MED14: variants seen among roughly 807,000 people sequenced by gnomAD.
MED14 encodes mediator complex subunit 14, also known as mediator of RNA polymerase II transcription subunit 14.
A neutral mutation model predicts 109.0 loss-of-function variants in MED14; 8 were observed. The ratio of observed to expected loss-of-function variants is 0.07; its 90% confidence interval spans 0.04 to 0.13. The LOEUF (loss-of-function observed/expected upper bound fraction) is 0.13, where lower values mean the gene tolerates loss of function less well. Ranked by LOEUF, MED14 falls within the 10% of genes least tolerant of loss-of-function variation. MED14 has a pLI of 1.00. For synonymous variants in MED14, 399 were observed against 408.7 expected (o/e 0.98, Z 0.29); for missense variants, 711 against 1,142.4 (o/e 0.62, Z 5.44).
At chrX:40,704,671 A>T (rs754203553) in intron 10 of MED14, among the ~76,000 whole-genome samples, 40 of 112,599 alleles carry the variant, frequency 3.6e-4, no homozygotes, top group African/African-American at 1.3e-3. Flanking sequence ...ATTTTCAATA[A>T]TTCAAATGGA....
At chrX:40,677,925 A>G (rs1000567265) in intron 21 of MED14, among the ~76,000 whole-genome samples, 2 of 112,163 alleles carry the variant, frequency 1.8e-5, no homozygotes, top group Non-Finnish European at 3.8e-5. Context: ...ACAATGAAGT[A>G]GTACCTTCAA....
At position 40,703,453 on chromosome X, in the gene MED14, A is replaced by C; in HGVS notation, c.1402T>G (p.Tyr468Asp). The C allele has an allele frequency of 8.4e-7, 1 of 1,194,609 alleles. No homozygotes were observed. Among genetic ancestry groups the C allele is most frequent in the East Asian group, 3.0e-5 (1 of 33,700 alleles). ...LHSGMFQLML[Y>D]GLDQATLDDM... ...TCATTTAGTAACTTACCAAGTCCATAAAGCATCAATTGAAACATTCCAGAA... is the reference window on the plus strand; with the variant it reads ...TCATTTAGTAACTTACCAAGTCCATCAAGCATCAATTGAAACATTCCAGAA... The change falls in exon 11 of 31, where the codon TAT becomes GAT. Residue 468 changes from tyrosine (Y) to aspartate (D), a missense_variant. This residue lies in a region of MED14 where 388 missense variants were observed against 517.3 expected (regional missense o/e 0.75). Transcript: ENST00000324817.
At chrX:40,680,418 T>C (rs1252480888) in intron 20 of MED14, among the ~76,000 whole-genome samples, 1 of 111,569 alleles carries the variant, frequency 9.0e-6, no homozygotes, top group Non-Finnish European at 1.9e-5. Flanking sequence ...AATGCTGTTT[T>C]TTGTTTGTTT....
intron 29 of MED14, 69 bp from the exon 30 acceptor site, chrX:40,654,625 T>A: frequency 9.9e-7 from 1 of 1,010,053 alleles, no homozygotes; most frequent in Non-Finnish European, 1.4e-6. Context: ...GTATCAAAGG[T>A]ACTATCATTT....
intron 19 of MED14, 67 bp from the exon 20 acceptor site, chrX:40,680,977 A>G: frequency 2.3e-6 from 2 of 853,914 alleles, no homozygotes; most frequent in East Asian, 6.6e-5. Context: ...AGAAAAAAAA[A>G]ATGTTAAAAG....
chrX:40,711,029 C>T, intron 8 of MED14, 140 bp downstream of exon 8: 1 of 692,683 alleles, frequency 1.4e-6, no homozygotes, highest in East Asian at 3.5e-5. Flanking sequence ...AATTGATCTG[C>T]ATATAAGTGG....
intron 24 of MED14, 21 bp downstream of exon 24, chrX:40,666,699 G>C (rs375046000): frequency 8.3e-7 from 1 of 1,204,262 alleles, no homozygotes; most frequent in Non-Finnish European, 1.1e-6. Flanking sequence ...ATGCTATATC[G>C]ATTTCCATGT....
intron 1 of MED14, among the ~76,000 whole-genome samples, chrX:40,733,806 T>C (rs1025908296): frequency 3.6e-5 from 4 of 111,902 alleles, no homozygotes; most frequent in African/African-American, 6.5e-5. Flanking sequence ...AGTTGCTATG[T>C]TGAAATGCCC....
intron 16 of MED14, among the ~76,000 whole-genome samples, chrX:40,684,685 A>G (rs1272664675): frequency 1.5e-4 from 17 of 112,549 alleles, no homozygotes; most frequent in African/African-American, 5.5e-4. Context: ...AAGTTTGAAA[A>G]TATAAATGCA....
At chrX:40,699,356 A>G in intron 12 of MED14, among the ~76,000 whole-genome samples, 1 of 112,146 alleles carries the variant, frequency 8.9e-6, no homozygotes, top group Middle Eastern at 4.6e-3. Context: ...ATTTACTACA[A>G]ATCATTGAAT....
chrX:40,726,279 A>G (rs1265543706), intron 3 of MED14, among the ~76,000 whole-genome samples: 1 of 110,058 alleles, frequency 9.1e-6, no homozygotes, highest in African/African-American at 3.3e-5. Flanking sequence ...GAATTAGTAG[A>G]TAAACAAACA....
At chrX:40,679,426 G>C (rs912040576) in intron 21 of MED14, among the ~76,000 whole-genome samples, 2 of 111,521 alleles carry the variant, frequency 1.8e-5, no homozygotes, top group Admixed American at 9.5e-5. Context: ...AGAGGCACTT[G>C]AACCCACATG....
chrX:40,695,045 T>C (rs1352226577), intron 13 of MED14, among the ~76,000 whole-genome samples: 1 of 112,266 alleles, frequency 8.9e-6, no homozygotes, highest in Non-Finnish European at 1.9e-5. Context: ...AAGGAACTAT[T>C]ATACACACAA....
At chrX:40,699,426 T>C (rs146420149) in intron 12 of MED14, among the ~76,000 whole-genome samples, 1,964 of 112,102 alleles carry the variant, frequency 0.018, 16 homozygotes, top group Middle Eastern at 0.065. Context: ...TAAAGTTATT[T>C]TGAAAAATCA....
intron 6 of MED14, among the ~76,000 whole-genome samples, chrX:40,712,494 T>G (rs1205632429): frequency 3.6e-5 from 4 of 111,784 alleles, no homozygotes; most frequent in African/African-American, 1.3e-4. Context: ...TTGCTTCAAA[T>G]TACAGGATAA....
At chrX:40,665,881 A>G (rs1276677204) in intron 24 of MED14, among the ~76,000 whole-genome samples, 1 of 112,727 alleles carries the variant, frequency 8.9e-6, no homozygotes, top group Admixed American at 9.4e-5. Flanking sequence ...AAATGGAAAC[A>G]TTCTAAACAT....
intron 22 of MED14, among the ~76,000 whole-genome samples, chrX:40,674,209 G>A (rs959900649): frequency 3.6e-5 from 4 of 111,722 alleles, no homozygotes; most frequent in Admixed American, 2.8e-4. Flanking sequence ...GCTACACAGA[G>A]ACATTCGCAT....
At chrX:40,715,267 T>C (rs903695197) in intron 3 of MED14, among the ~76,000 whole-genome samples, 1 of 111,391 alleles carries the variant, frequency 9.0e-6, no homozygotes, top group South Asian at 3.7e-4. Context: ...AATCCACACA[T>C]AGCCAACTCA....
rs377738975 is a variant in MED14 at position 40,702,471 on chromosome X, C to T, written c.1411+973G>A. On this transcript the variant is annotated intron_variant, in intron 11 of 30. Coordinates refer to ENST00000324817, the MANE Select transcript of MED14 (RefSeq NM_004229.4). ...ACGCCATTCTCCTGCCTCAGCCTCC[C>T]GAGTAGCTGGGACTACAGGCACCCG... Among the ~76,000 whole-genome samples, 20 of 108,605 alleles carry T rather than the reference C, an allele frequency of 1.8e-4. No individual in the cohort carries two copies. The South Asian group carries it at 3.6e-3, about 20-fold the overall frequency. The allele number at this position is 108,605 out of a possible 115,157, so 94.3% of individuals were successfully genotyped here.
Sources: allele counts gnomAD v4.1 joint callset (sites outside exome capture counted in the v4.1 genomes callset), GRCh38; gene constraint gnomAD v4.1.1; regional missense constraint gnomAD v4.1.1; transcripts MANE v1.5; gene names NCBI Gene and HGNC (gene_info 2026-07-23, HGNC 2026-07-21).